CSMD1: variants seen among roughly 807,000 people sequenced by gnomAD.
CSMD1 encodes CUB and sushi domain-containing protein 1.
A neutral mutation model predicts 417.5 loss-of-function variants in CSMD1; 213 were observed. The ratio of observed to expected loss-of-function variants is 0.51; its 90% CI spans 0.46 to 0.57. The LOEUF (loss-of-function observed/expected upper bound fraction) is 0.57, where lower values mean the gene tolerates loss of function less well. Ranked by LOEUF, CSMD1 falls within the 20% of genes least tolerant of loss-of-function variation. The pLI, the probability that CSMD1 is intolerant of heterozygous loss-of-function variation, is 0.00. For missense variants in CSMD1, 6,923 were observed against 4,529.7 expected, an observed-to-expected ratio of 1.53 and a Z score of -15.17; for synonymous variants, 2,862 against 1,736.8, an observed-to-expected ratio of 1.65 and a Z score of -16.11.
At position 3,052,659 on chromosome 8, in the gene CSMD1, T is replaced by C. The variant is rs780470395; in HGVS notation, c.7475-12A>G. On this transcript the variant is annotated splice_polypyrimidine_tract_variant and intron_variant, in intron 49 of 69. Transcript: ENST00000635120. ...TCCACAGGACACAGCTGAAAAGAAA[T>C]GAAACAAATGTAGGCTTATTCTTAC... 1.3e-5 allele frequency: 20 copies of C among 1,570,628 alleles called. No individual in the cohort carries two copies. Among genetic ancestry groups the C allele is most frequent in the Non-Finnish European group, 1.7e-6 (2 of 1,158,216 alleles).
chr8:4,557,367 A>T (rs1203803013), intron 2 of CSMD1, among the ~76,000 whole-genome samples: 1 of 152,176 alleles, frequency 6.6e-6, no homozygotes, highest in Non-Finnish European at 1.5e-5. Context: ...ATATGCCAAG[A>T]TATAATTTGA....
At chr8:3,034,201 A>T (rs1054545580) in intron 50 of CSMD1, among the ~76,000 whole-genome samples, 5 of 152,238 alleles carry the variant, frequency 3.3e-5, no homozygotes, top group Admixed American at 6.5e-5. Flanking sequence ...GAAGAAAAAT[A>T]GTTGGAATGA....
intron 1 of CSMD1, among the ~76,000 whole-genome samples, chr8:4,742,090 G>T (rs1188815610): frequency 7.8e-6 from 1 of 127,780 alleles, no homozygotes; most frequent in Non-Finnish European, 1.6e-5. Context: ...GAGTGCAGTG[G>T]CGCAATCTCG....
intron 3 of CSMD1, among the ~76,000 whole-genome samples, chr8:4,359,398 A>G (rs1220921774): frequency 4.6e-5 from 7 of 152,208 alleles, no homozygotes; most frequent in African/African-American, 1.7e-4. Context: ...TCACAATAAC[A>G]TATTAACTAG....
intron 5 of CSMD1, among the ~76,000 whole-genome samples, chr8:3,859,900 T>C (rs1804577374): frequency 6.6e-6 from 1 of 152,186 alleles, no homozygotes; most frequent in Admixed American, 6.5e-5. Flanking sequence ...ACATATATTC[T>C]TCTTCTGTAA....
chr8:3,052,672 G>T, intron 49 of CSMD1, 25 bp from the exon 50 acceptor site: 1 of 1,487,528 alleles, frequency 6.7e-7, no homozygotes, highest in South Asian at 1.4e-5. Context: ...AACAAATGTA[G>T]GCTTATTCTT....
intron 26 of CSMD1, among the ~76,000 whole-genome samples, chr8:3,250,632 A>G (rs1735809644): frequency 6.6e-6 from 1 of 152,234 alleles, no homozygotes; most frequent in African/African-American, 2.4e-5. Context: ...AGGAATCGCC[A>G]CACTGTCTTC....
intron 1 of CSMD1, among the ~76,000 whole-genome samples, chr8:4,992,625 C>T (rs1811531962): frequency 6.6e-6 from 1 of 152,220 alleles, no homozygotes; most frequent in Non-Finnish European, 1.5e-5. Flanking sequence ...CCTCACAGGG[C>T]ACAACCCTCT....
At chr8:4,252,923 C>A (rs749072639) in intron 3 of CSMD1, among the ~76,000 whole-genome samples, 2 of 152,180 alleles carry the variant, frequency 1.3e-5, no homozygotes, top group African/African-American at 4.8e-5. Context: ...TGGCTGGACC[C>A]ATGGCAGCAG....
At chr8:4,308,584 G>A (rs1798383479) in intron 3 of CSMD1, among the ~76,000 whole-genome samples, 1 of 152,172 alleles carries the variant, frequency 6.6e-6, no homozygotes, top group South Asian at 2.1e-4. Context: ...TACAGGAAAT[G>A]CTCCTTAGAA....
At position 3,520,020 on chromosome 8, in the gene CSMD1, C is replaced by CTATATATATA. The variant is rs33939239; in HGVS notation, c.1345-26304_1345-26295dup. On this transcript the variant is annotated intron_variant, in intron 10 of 69. Transcript: ENST00000635120. ...TATATATGTGTGTGTGTGTATATACCTATATATATATATATATATACACGT... is the reference window on the plus strand; with the variant it reads ...TATATATGTGTGTGTGTGTATATACCTATATATATATATATATATATATATATATACACGT... 1.5e-4 allele frequency among the ~76,000 whole-genome samples: 21 copies of CTATATATATA among 137,602 alleles called. No homozygotes were observed. In the South Asian group the frequency reaches 2.5e-3, roughly 17 times the overall value. The allele number at this position is 137,602 out of a possible 152,430, so 90.3% of individuals were successfully genotyped here.
chr8:4,101,922 C>T (rs554927490), intron 3 of CSMD1, among the ~76,000 whole-genome samples: 57 of 152,262 alleles, frequency 3.7e-4, no homozygotes, highest in South Asian at 1.0e-3. Context: ...AGCATTTTCC[C>T]AGTGGACTTG....
intron 2 of CSMD1, among the ~76,000 whole-genome samples, chr8:4,448,321 G>C (rs917447478): frequency 6.6e-6 from 1 of 152,162 alleles, no homozygotes; most frequent in African/African-American, 2.4e-5. Context: ...GATCTAGGAG[G>C]ATTTTTAATT....
At chr8:3,586,318 GAAA>G in intron 8 of CSMD1, 58 bp from the exon 9 acceptor site, 28 of 1,212,184 alleles carry the variant, frequency 2.3e-5, no homozygotes, top group South Asian at 3.5e-5. Context: ...ACTTCTTTAG[GAAA>G]AAAAAAAAAA....
chr8:3,101,685 AAAGT>A (rs1370393999), intron 46 of CSMD1, among the ~76,000 whole-genome samples: 3 of 152,028 alleles, frequency 2.0e-5, no homozygotes, highest in Non-Finnish European at 2.9e-5. Flanking sequence ...TCAGCCTCCC[AAAGT>A]AATAGGATTA....
intron 41 of CSMD1, among the ~76,000 whole-genome samples, chr8:3,123,830 C>A (rs1417266561): frequency 6.6e-6 from 1 of 152,206 alleles, no homozygotes; most frequent in East Asian, 1.9e-4. Context: ...CAGAGACACA[C>A]ACACATTTAC....
intron 1 of CSMD1, among the ~76,000 whole-genome samples, chr8:4,866,790 G>C (rs544282171): frequency 6.6e-6 from 1 of 151,870 alleles, no homozygotes; most frequent in African/African-American, 2.4e-5. Context: ...TGGACGAAAA[G>C]CAAAAATATT....
intron 3 of CSMD1, among the ~76,000 whole-genome samples, chr8:4,340,412 G>A (rs1041469782): frequency 6.6e-6 from 1 of 152,044 alleles, no homozygotes; most frequent in South Asian, 2.1e-4. Context: ...TTTACCATTG[G>A]CCAAATAAAC....
At chr8:3,119,097 G>A (rs545087601) in intron 41 of CSMD1, among the ~76,000 whole-genome samples, 175 of 152,056 alleles carry the variant, frequency 1.2e-3, no homozygotes, top group African/African-American at 3.0e-3. Flanking sequence ...GGAGAATGGC[G>A]TGAACCTGGG....
Sources: gnomAD v4.1 joint callset for allele counts (sites outside exome capture counted in the v4.1 genomes callset) on GRCh38, gnomAD v4.1.1 for gene constraint, MANE v1.5 for transcripts, NCBI Gene and HGNC (gene_info 2026-07-23, HGNC 2026-07-21) for gene names.